Variants in STX8 observed in about 807,000 individuals in gnomAD.
STX8 encodes syntaxin-8.
STX8 carries 23 observed loss-of-function variants against 37.5 expected under a neutral mutation model. The ratio of observed to expected loss-of-function variants is 0.61; its 90% CI spans 0.44 to 0.87. The LOEUF is 0.87. Among genes scored for constraint, STX8 ranks in the 40% least tolerant of loss-of-function variants. The pLI is 0.00. For missense variants in STX8, 313 were observed against 284.7 expected, an observed-to-expected ratio of 1.10 and a Z score of -0.71; for synonymous variants, 115 against 99.1, an observed-to-expected ratio of 1.16 and a Z score of -0.95.
chr17:9,313,555 T>A (rs1366003666), intron 7 of STX8, among the ~76,000 whole-genome samples: 1 of 152,206 alleles, frequency 6.6e-6, no homozygotes, highest in Non-Finnish European at 1.5e-5. Flanking sequence ...AAGAGCCAAA[T>A]GTCCCCAGCT....
At chr17:9,319,535 T>C (rs185991093) in intron 7 of STX8, among the ~76,000 whole-genome samples, 122 of 152,356 alleles carry the variant, frequency 8.0e-4, no homozygotes, top group Admixed American at 3.9e-3. Flanking sequence ...GCACATCATT[T>C]GATTCAACAG....
intron 7 of STX8, among the ~76,000 whole-genome samples, chr17:9,365,895 C>A (rs1911214755): frequency 1.3e-5 from 2 of 152,142 alleles, no homozygotes; most frequent in Non-Finnish European, 2.9e-5. Context: ...ATCGTTTGAA[C>A]CCAGGAGATG....
intron 4 of STX8, among the ~76,000 whole-genome samples, chr17:9,514,559 T>C (rs187243807): frequency 6.6e-6 from 1 of 152,228 alleles, no homozygotes; most frequent in African/African-American, 2.4e-5. Flanking sequence ...TGAGCCAAGA[T>C]TGCGCCACTG....
intron 6 of STX8, among the ~76,000 whole-genome samples, chr17:9,481,831 G>A (rs1906361029): frequency 6.6e-6 from 1 of 152,172 alleles, no homozygotes; most frequent in African/African-American, 2.4e-5. Flanking sequence ...AACTGTGCAT[G>A]CGAGGGATCT....
chr17:9,496,114 C>T (rs970778362), intron 5 of STX8, among the ~76,000 whole-genome samples: 3 of 149,672 alleles, frequency 2.0e-5, no homozygotes, highest in East Asian at 2.0e-4. Flanking sequence ...TCGCTCTTGT[C>T]GCCCAGGCTG....
intron 6 of STX8, among the ~76,000 whole-genome samples, chr17:9,384,938 C>T (rs1911940603): frequency 6.8e-6 from 1 of 147,190 alleles, no homozygotes; most frequent in Non-Finnish European, 1.5e-5. Context: ...ACCCTTTTCT[C>T]TCCATACCAA....
At chr17:9,348,355 T>C (rs1468130705) in intron 7 of STX8, among the ~76,000 whole-genome samples, 4 of 148,446 alleles carry the variant, frequency 2.7e-5, no homozygotes, top group East Asian at 2.0e-4. Context: ...GAGGCAGAAC[T>C]TGCAATGAGC....
intron 6 of STX8, among the ~76,000 whole-genome samples, chr17:9,414,064 A>AC (rs1289142359): frequency 1.3e-3 from 175 of 135,954 alleles, no homozygotes; most frequent in African/African-American, 1.2e-3. Context: ...CTGTCCATCC[A>AC]TCCATCCACC....
At chr17:9,489,813 C>T (rs1454368935) in intron 6 of STX8, among the ~76,000 whole-genome samples, 3 of 151,614 alleles carry the variant, frequency 2.0e-5, no homozygotes, top group African/African-American at 2.4e-5. Context: ...CTCAGCCTCC[C>T]GCGTAGCTGG....
intron 6 of STX8, among the ~76,000 whole-genome samples, chr17:9,413,853 C>T (rs367734408): frequency 1.3e-5 from 2 of 148,930 alleles, no homozygotes; most frequent in South Asian, 2.2e-4. Flanking sequence ...AATATATGTA[C>T]GTATGTAAGT....
intron 6 of STX8, among the ~76,000 whole-genome samples, chr17:9,470,603 T>G (rs952037457): frequency 1.3e-5 from 2 of 152,226 alleles, no homozygotes; most frequent in African/African-American, 2.4e-5. Flanking sequence ...TCTACTTTTC[T>G]CAGGAATTAA....
At chr17:9,433,814 G>T (rs1045096153) in intron 6 of STX8, among the ~76,000 whole-genome samples, 8 of 152,144 alleles carry the variant, frequency 5.3e-5, no homozygotes, top group African/African-American at 1.9e-4. Flanking sequence ...GTGAGGAAGA[G>T]TTTAATGGGG....
At chr17:9,496,358 G>A (rs1408508350) in intron 5 of STX8, among the ~76,000 whole-genome samples, 1 of 152,130 alleles carries the variant, frequency 6.6e-6, no homozygotes. Flanking sequence ...TTACAGGCGT[G>A]AGCCACCACA....
intron 7 of STX8, among the ~76,000 whole-genome samples, chr17:9,369,372 GT>G (rs1911331686): frequency 6.6e-6 from 1 of 152,144 alleles, no homozygotes; most frequent in South Asian, 2.1e-4. Flanking sequence ...GAAAGAAGAA[GT>G]AAAAACAATA....
intron 6 of STX8, among the ~76,000 whole-genome samples, chr17:9,408,119 C>A (rs1020448238): frequency 6.6e-6 from 1 of 152,106 alleles, no homozygotes; most frequent in Non-Finnish European, 1.5e-5. Context: ...AAAAATAAAA[C>A]CCGTCTGATG....
At chr17:9,490,656 C>A (rs1906815429) in intron 6 of STX8, among the ~76,000 whole-genome samples, 1 of 152,186 alleles carries the variant, frequency 6.6e-6, no homozygotes, top group South Asian at 2.1e-4. Context: ...TGAGCCACCG[C>A]ACCCACCTGA....
At chr17:9,476,872 G>C (rs1445183358) in intron 6 of STX8, among the ~76,000 whole-genome samples, 1 of 151,856 alleles carries the variant, frequency 6.6e-6, no homozygotes, top group Admixed American at 6.6e-5. Flanking sequence ...GTGAGACAGG[G>C]TCTCACTCTG....
At chr17:9,288,586 C>A (rs891809834) in intron 7 of STX8, among the ~76,000 whole-genome samples, 1 of 151,920 alleles carries the variant, frequency 6.6e-6, no homozygotes, top group African/African-American at 2.4e-5. Flanking sequence ...GCCGTGAACC[C>A]GGGAGGTGGA....
rs1904878881 is a variant in STX8 at position 9,507,388 on chromosome 17, C to T, written c.324-2226G>A. Among the ~76,000 whole-genome samples, 1 of 152,182 alleles carries T rather than the reference C, an allele frequency of 6.6e-6. No homozygotes were observed. The highest frequency in any genetic ancestry group is 2.4e-5 in the African/African-American group (1 of 41,450). On this transcript the variant is annotated intron_variant, in intron 4 of 7. Transcript: ENST00000306357. This position sits in a 1 kb window ranked among gnomAD's most constrained non-coding sequence, Gnocchi z 4.0. The stretch of plus-strand genomic sequence containing the variant: ...CAGCCGAGCAGCCTTGTGTTCATAT[C>T]CCGGGTCTGAGAAGCAACTCCTCAG...
Sources: gnomAD v4.1 joint callset for allele counts (sites outside exome capture counted in the v4.1 genomes callset) on GRCh38, gnomAD v4.1.1 for gene constraint, Gnocchi (gnomAD v3.1) non-coding constraint, MANE v1.5 for transcripts, NCBI Gene and HGNC (gene_info 2026-07-23, HGNC 2026-07-21) for gene names.